The following NEDD4 variants were observed in gnomAD, a reference collection of about 807,000 sequenced individuals.
The protein encoded by NEDD4 is E3 ubiquitin-protein ligase NEDD4.
In NEDD4, 99 loss-of-function variants were observed where a neutral mutation model predicts 144.9. The ratio of observed to expected loss-of-function variants is 0.68; its 90% confidence interval spans 0.58 to 0.81. The LOEUF is 0.81. Among genes scored for constraint, NEDD4 ranks in the 30% least tolerant of loss-of-function variants. The pLI is 0.00. For synonymous variants in NEDD4, 318 were observed against 350.6 expected (o/e 0.91, Z 1.04); for missense variants, 985 against 1,065.9 (o/e 0.92, Z 1.06).
At chr15:55,838,697 A>G in intron 21 of NEDD4, 93 bp from the exon 22 acceptor site, 1 of 772,848 alleles carries the variant, frequency 1.3e-6, no homozygotes, top group Non-Finnish European at 2.1e-6. Flanking sequence ...TAATTGGGTA[A>G]AAGATGAGAG....
Position 55,943,015 on chromosome 15 carries a change from G to A in NEDD4, c.237+8361C>T, listed in dbSNP as rs117156506. On this transcript the variant is annotated intron_variant, in intron 4 of 28. Coordinates refer to ENST00000435532, the MANE Select transcript of NEDD4 (RefSeq NM_006154.4). ...TCTACAAAGAGACTGGCAGCATTGT[G>A]CCCCTGCTCTAGAAATCTGTGGAAC... Among the ~76,000 whole-genome samples the A allele has an allele frequency of 6.0e-4, 92 of 152,318 alleles. No homozygotes were observed. The East Asian group carries it at 0.015, about 26-fold the overall frequency.
chr15:55,933,940 G>T (rs11636123), intron 4 of NEDD4, among the ~76,000 whole-genome samples: 45,695 of 151,922 alleles, frequency 0.3, 6,999 homozygotes, highest in South Asian at 0.38. Flanking sequence ...GGTCACCTGA[G>T]GTCAGGAGTT....
At chr15:55,934,168 A>G (rs2036837685) in intron 4 of NEDD4, among the ~76,000 whole-genome samples, 1 of 152,146 alleles carries the variant, frequency 6.6e-6, no homozygotes, top group South Asian at 2.1e-4. Flanking sequence ...TAATAATAAT[A>G]ATGATAATTT....
rs10526731 is a variant in NEDD4 at position 55,836,331 on chromosome 15, G to GACACAC, written c.2262+1452_2262+1457dup. Among the ~76,000 whole-genome samples, 708 of 148,030 alleles carry GACACAC rather than the reference G, an allele frequency of 4.8e-3. 6 individuals are homozygous for GACACAC. Among genetic ancestry groups the GACACAC allele is most frequent in the African/African-American group, 0.014 (556 of 40,038 alleles). On this transcript the variant is annotated intron_variant, in intron 24 of 28. Coordinates refer to ENST00000435532, the MANE Select transcript of NEDD4 (RefSeq NM_006154.4). ...ATACTGAATTTATGAAAAAGTATGT[G>GACACAC]ACACACACACACACACACACACACA...
intron 4 of NEDD4, among the ~76,000 whole-genome samples, chr15:55,950,813 A>G (rs1323461713): frequency 6.6e-6 from 1 of 152,136 alleles, no homozygotes; most frequent in Non-Finnish European, 1.5e-5. Flanking sequence ...AGAGAGGGGA[A>G]ATTCCTAAAA....
intron 19 of NEDD4, among the ~76,000 whole-genome samples, chr15:55,841,209 G>C (rs1235215836): frequency 2.0e-5 from 3 of 152,216 alleles, no homozygotes; most frequent in African/African-American, 7.2e-5. Flanking sequence ...TGGGATTACA[G>C]GCATGAGCCA....
chr15:55,961,023 A>C (rs917479400), intron 2 of NEDD4, among the ~76,000 whole-genome samples: 3 of 152,098 alleles, frequency 2.0e-5, no homozygotes, highest in African/African-American at 7.2e-5. Flanking sequence ...TGACTGATAC[A>C]CTCGACCCTA....
intron 8 of NEDD4, 122 bp from the exon 9 acceptor site, chr15:55,863,201 GAATA>G: frequency 1.3e-6 from 1 of 781,782 alleles, no homozygotes; most frequent in Non-Finnish European, 1.8e-6. Flanking sequence ...TGCATAGACA[GAATA>G]AACAATCCTC....
rs1420466691 is a variant in NEDD4 at position 55,964,491 on chromosome 15, C to CCATTT, written c.119+1977_119+1981dup. ...TGGAATTTTCATTTTTTTATGGTTTCCATTTCATTTCATATTTTTAAAATT... is the reference window on the plus strand; with the variant it reads ...TGGAATTTTCATTTTTTTATGGTTTCCATTTCATTTCATTTCATATTTTTAAAATT... On this transcript the variant is annotated intron_variant, in intron 2 of 28. Coordinates refer to ENST00000435532, the MANE Select transcript of NEDD4 (RefSeq NM_006154.4). 3.9e-5 allele frequency among the ~76,000 whole-genome samples: 6 copies of CCATTT among 152,092 alleles called. No individual in the cohort carries two copies. In the East Asian group the frequency reaches 1.2e-3, roughly 29 times the overall value.
intron 8 of NEDD4, among the ~76,000 whole-genome samples, chr15:55,867,280 T>G (rs765872178): frequency 6.6e-6 from 1 of 152,208 alleles, no homozygotes; most frequent in Non-Finnish European, 1.5e-5. Flanking sequence ...CACAGATTCA[T>G]GTGTTTGAAT....
At chr15:55,894,199 G>A (rs937518616) in intron 5 of NEDD4, among the ~76,000 whole-genome samples, 2 of 152,022 alleles carry the variant, frequency 1.3e-5, no homozygotes, top group African/African-American at 2.4e-5. Context: ...CTCTCTATCG[G>A]TGGATTCAAT....
chr15:55,888,176 G>T (rs2035453052), intron 5 of NEDD4, among the ~76,000 whole-genome samples: 2 of 152,128 alleles, frequency 1.3e-5, no homozygotes, highest in African/African-American at 4.8e-5. Flanking sequence ...ATCCAAATTG[G>T]AAAGGAAGAA....
chr15:55,871,378 C>T (rs111428146), intron 7 of NEDD4, among the ~76,000 whole-genome samples: 10 of 152,294 alleles, frequency 6.6e-5, no homozygotes, highest in African/African-American at 2.4e-4. Flanking sequence ...GTTCTTTCTA[C>T]ACTTGCAATA....
At chr15:55,908,552 G>C (rs1181032300) in intron 5 of NEDD4, among the ~76,000 whole-genome samples, 1 of 152,082 alleles carries the variant, frequency 6.6e-6, no homozygotes. Context: ...GTGTGTCTGG[G>C]GAATTACCAG....
chr15:55,977,403 T>G (rs2142349397), intron 1 of NEDD4, among the ~76,000 whole-genome samples: 1 of 152,338 alleles, frequency 6.6e-6, no homozygotes, highest in East Asian at 1.9e-4. Context: ...TAGGTTTGTG[T>G]AACTACACTC....
chr15:55,837,695 T>C (rs1378616816), intron 24 of NEDD4, 94 bp downstream of exon 24: 2 of 728,018 alleles, frequency 2.7e-6, no homozygotes, highest in Admixed American at 2.8e-5. Flanking sequence ...ACAAGCCATA[T>C]ACTTATTTTT....
At chr15:55,871,881 T>C (rs2034810944) in intron 7 of NEDD4, among the ~76,000 whole-genome samples, 1 of 152,206 alleles carries the variant, frequency 6.6e-6, no homozygotes, top group South Asian at 2.1e-4. Flanking sequence ...AAAAGGAGTT[T>C]TAGTTACAGC....
chr15:55,980,781 T>A (rs1215514060), intron 1 of NEDD4, among the ~76,000 whole-genome samples: 1 of 151,916 alleles, frequency 6.6e-6, no homozygotes, highest in Non-Finnish European at 1.5e-5. Context: ...TCATTTTTAG[T>A]GTGTGTGTAG....
intron 5 of NEDD4, among the ~76,000 whole-genome samples, chr15:55,894,579 G>A (rs1486615684): frequency 2.6e-5 from 4 of 152,264 alleles, no homozygotes; most frequent in African/African-American, 9.6e-5. Flanking sequence ...TTGGGGTGAG[G>A]TGGAAGTCAG....
Sources: gnomAD v4.1 joint callset for allele counts (sites outside exome capture counted in the v4.1 genomes callset) on GRCh38, gnomAD v4.1.1 for gene constraint, MANE v1.5 for transcripts, NCBI Gene and HGNC (gene_info 2026-07-23, HGNC 2026-07-21) for gene names.